Variants in DNAAF9 observed in about 807,000 individuals in gnomAD.
DNAAF9 encodes shulin.
In DNAAF9, 90 loss-of-function variants were observed where a neutral mutation model predicts 167.0. The observed-to-expected ratio is 0.54, with a 90% CI of 0.45 to 0.64. DNAAF9 has a LOEUF of 0.64. DNAAF9 is among the 30% of genes least tolerant of loss of function. The probability of loss-of-function intolerance (pLI) is 0.00; values close to 1 mark genes in which losing one functional copy is unlikely to be tolerated. For missense variants in DNAAF9, 1,315 were observed against 1,442.2 expected, an observed-to-expected ratio of 0.91 and a Z score of 1.43; for synonymous variants, 491 against 508.8, an observed-to-expected ratio of 0.96 and a Z score of 0.47.
At chr20:3,325,519 A>C (rs2069694919) in intron 13 of DNAAF9, among the ~76,000 whole-genome samples, 1 of 152,174 alleles carries the variant, frequency 6.6e-6, no homozygotes, top group African/African-American at 2.4e-5. Flanking sequence ...TTCAGTGAGG[A>C]GGGGAGATGG....
At position 3,345,191 on chromosome 20, in the gene DNAAF9, C is replaced by T. The variant is rs190736641; in HGVS notation, c.790-1460G>A. On this transcript the variant is annotated intron_variant, in intron 8 of 36. Transcript: ENST00000252032. ...GCATCACCACAGCCGGCTAATTTTG[C>T]GTTTTTAGTAGAGACAGGGTTTCAC... Among the ~76,000 whole-genome samples the T allele has an allele frequency of 9.9e-5, 15 of 152,150 alleles. No homozygotes were observed. In the East Asian group the frequency reaches 1.9e-3, roughly 20 times the overall value.
chr20:3,376,087 A>G (rs2083571194), intron 4 of DNAAF9, 91 bp downstream of exon 4: 1 of 1,196,154 alleles, frequency 8.4e-7, no homozygotes, highest in Non-Finnish European at 1.2e-6. Flanking sequence ...ACACTCTGCA[A>G]TTTGATTGCT....
At chr20:3,317,596 T>C (rs532340537) in intron 17 of DNAAF9, among the ~76,000 whole-genome samples, 1 of 152,096 alleles carries the variant, frequency 6.6e-6, no homozygotes, top group East Asian at 1.9e-4. Context: ...CTAATTACTG[T>C]TTCAAATTGC....
Position 3,315,869 on chromosome 20 carries a change from C to A in DNAAF9, c.1540-84G>T. On this transcript the variant is annotated intron_variant, in intron 18 of 36. Transcript: ENST00000252032. This position sits in a 1 kb window ranked among gnomAD's most constrained non-coding sequence, Gnocchi z 4.1. ...GTCTCCCCACTGTGTTCAAATATTT[C>A]CAGGACACTGGCTGGACAGTCCTTC... 2.0e-6 allele frequency: 2 copies of A among 1,017,434 alleles called. No individual in the cohort carries two copies. The highest frequency in any genetic ancestry group is 2.5e-5 in the South Asian group (2 of 78,996). The allele number at this position is 1,017,434 out of a possible 1,614,324, so 63.0% of individuals were successfully genotyped here.
At chr20:3,325,139 C>A (rs934683530) in intron 13 of DNAAF9, among the ~76,000 whole-genome samples, 171 bp from the exon 14 acceptor site, 4 of 152,160 alleles carry the variant, frequency 2.6e-5, no homozygotes, top group Non-Finnish European at 5.9e-5. Flanking sequence ...GTGAAAGTAT[C>A]ATGTTAAGGG....
chr20:3,345,015 GTGTT>G (rs2070166206), intron 8 of DNAAF9, among the ~76,000 whole-genome samples: 1 of 152,088 alleles, frequency 6.6e-6, no homozygotes, highest in Non-Finnish European at 1.5e-5. Context: ...ATCAATTGGA[GTGTT>G]TATTTATTTA....
chr20:3,293,285 T>C, intron 25 of DNAAF9, among the ~76,000 whole-genome samples: 1 of 74,674 alleles, frequency 1.3e-5, no homozygotes, highest in Admixed American at 2.3e-4. Flanking sequence ...AGAGGGAGAC[T>C]CCGTCTCAAA....
intron 36 of DNAAF9, 59 bp downstream of exon 36, chr20:3,253,665 TCA>T: frequency 1.0e-6 from 1 of 999,450 alleles, no homozygotes; most frequent in Non-Finnish European, 1.6e-6. Flanking sequence ...GCAGACAGGG[TCA>T]CACACTCCCA....
intron 20 of DNAAF9, among the ~76,000 whole-genome samples, chr20:3,307,967 TAAAAAA>T (rs367851853): frequency 1.6e-5 from 2 of 123,452 alleles, no homozygotes. Context: ...ACACAAGGTT[TAAAAAA>T]AAAAAAAAAA....
chr20:3,344,185 T>A (rs569786812), intron 8 of DNAAF9, among the ~76,000 whole-genome samples: 5 of 152,180 alleles, frequency 3.3e-5, no homozygotes, highest in Non-Finnish European at 5.9e-5. Flanking sequence ...CAAATTCTGC[T>A]GTGCTAATCC....
chr20:3,403,205 C>G (rs1184700189), intron 1 of DNAAF9, among the ~76,000 whole-genome samples: 1 of 152,134 alleles, frequency 6.6e-6, no homozygotes, highest in African/African-American at 2.4e-5. Context: ...CAGCTCAACA[C>G]AGCTGCAGGA....
intron 33 of DNAAF9, among the ~76,000 whole-genome samples, chr20:3,258,854 T>C (rs772858436): frequency 6.6e-6 from 1 of 152,174 alleles, no homozygotes; most frequent in Non-Finnish European, 1.5e-5. Context: ...CAGGCTCCAG[T>C]TACGGTAAAT....
intron 6 of DNAAF9, among the ~76,000 whole-genome samples, chr20:3,370,081 CTGGAAGG>C (rs145728320): frequency 0.011 from 1,728 of 152,238 alleles, 34 homozygotes; most frequent in African/African-American, 0.04. Context: ...AAAAGGCTAA[CTGGAAGG>C]TGTATATTCC....
At chr20:3,304,018 T>G (rs2069242062) in intron 21 of DNAAF9, among the ~76,000 whole-genome samples, 1 of 152,204 alleles carries the variant, frequency 6.6e-6, no homozygotes, top group Admixed American at 6.5e-5. Flanking sequence ...CTGTCCATGC[T>G]AATGTGTATG....
intron 6 of DNAAF9, among the ~76,000 whole-genome samples, chr20:3,362,790 T>C (rs565384896): frequency 2.6e-5 from 4 of 152,316 alleles, no homozygotes; most frequent in African/African-American, 7.2e-5. Context: ...CCTTTCTTCT[T>C]CTACCTCATT....
chr20:3,336,888 T>C lies in DNAAF9; in HGVS notation c.981+3616A>G, dbSNP rs370595387. On this transcript the variant is annotated intron_variant, in intron 10 of 36. Coordinates refer to ENST00000252032, the MANE Select transcript of DNAAF9 (RefSeq NM_001009984.3). The stretch of plus-strand genomic sequence containing the variant: ...CAATTTGGTTTTCCTTTTTCTTTTT[T>C]TTTTTTTTTTGAGATGGAGTCTCGC... 1.4e-4 allele frequency among the ~76,000 whole-genome samples: 21 copies of C among 150,452 alleles called. No homozygotes were observed. The East Asian group carries it at 2.3e-3, about 17-fold the overall frequency.
intron 28 of DNAAF9, among the ~76,000 whole-genome samples, chr20:3,281,121 CG>C (rs2068758265): frequency 6.6e-6 from 1 of 151,990 alleles, no homozygotes; most frequent in African/African-American, 2.4e-5. Flanking sequence ...CTCCACCTCC[CG>C]GGTTCAAGCG....
chr20:3,334,542 G>A (rs76477995), intron 10 of DNAAF9, among the ~76,000 whole-genome samples: 11,965 of 152,300 alleles, frequency 0.079, 695 homozygotes, highest in Non-Finnish European at 0.12. Flanking sequence ...GTGGACATAA[G>A]TTTTTAATTC....
At chr20:3,342,504 C>CA (rs1233769061) in intron 9 of DNAAF9, among the ~76,000 whole-genome samples, 2 of 152,172 alleles carry the variant, frequency 1.3e-5, no homozygotes, top group Non-Finnish European at 1.5e-5. Context: ...TCGTAGTTCT[C>CA]AGTGAATATT....
Sources: allele counts gnomAD v4.1 joint callset (sites outside exome capture counted in the v4.1 genomes callset), GRCh38; gene constraint gnomAD v4.1.1; non-coding constraint Gnocchi (gnomAD v3.1); transcripts MANE v1.5; gene names NCBI Gene and HGNC (gene_info 2026-07-23, HGNC 2026-07-21).